Variants in GRID1 observed in about 807,000 individuals in gnomAD.
The protein encoded by GRID1 is glutamate ionotropic receptor delta type subunit 1.
A neutral mutation model predicts 98.0 loss-of-function variants in GRID1; 28 were observed. The observed-to-expected ratio is 0.29, with a 90% CI of 0.21 to 0.39. GRID1 has a LOEUF of 0.39. Ranked by LOEUF, GRID1 falls within the 10% of genes least tolerant of loss-of-function variation. GRID1 has a pLI of 1.00. For missense variants in GRID1, 1,111 were observed against 1,340.5 expected, an observed-to-expected ratio of 0.83 and a Z score of 2.67; for synonymous variants, 553 against 538.5, an observed-to-expected ratio of 1.03 and a Z score of -0.37.
At chr10:86,296,136 A>G (rs190406895) in intron 2 of GRID1, among the ~76,000 whole-genome samples, 8 of 152,306 alleles carry the variant, frequency 5.3e-5, no homozygotes, top group Non-Finnish European at 1.2e-4. Flanking sequence ...CAATGTCCCC[A>G]TACACTCTTC....
At chr10:85,886,552 T>G (rs937243030) in intron 5 of GRID1, among the ~76,000 whole-genome samples, 2 of 152,136 alleles carry the variant, frequency 1.3e-5, no homozygotes, top group Admixed American at 6.5e-5. Flanking sequence ...ATGGCAAAAT[T>G]TCAATGATGG....
At position 85,602,412 on chromosome 10, in the gene GRID1, A is replaced by T; in HGVS notation, c.2891T>A (p.Met964Lys). 1.9e-6 allele frequency: 3 copies of T among 1,614,000 alleles called. No homozygotes were observed. The highest frequency in any genetic ancestry group is 2.5e-6 in the Non-Finnish European group (3 of 1,179,984). ...PLSSSATMPS[M>K]QCKHRSPNGG... Reference sequence around the variant, plus strand: ...GTTGGGTGACCTGTGTTTGCACTGCATGGAGGGCATGGTCGCCGAGCTGCT... The same window carrying T: ...GTTGGGTGACCTGTGTTTGCACTGCTTGGAGGGCATGGTCGCCGAGCTGCT... Residue 964 changes from methionine to lysine, a missense_variant, in exon 16 of 16, where the codon ATG becomes AAG. Physicochemically the swap from Met to Lys is moderately conservative, Grantham distance 95. Transcript: ENST00000327946.
chr10:86,213,734 T>C (rs1276832349), intron 2 of GRID1, among the ~76,000 whole-genome samples: 1 of 151,564 alleles, frequency 6.6e-6, no homozygotes, highest in Non-Finnish European at 1.5e-5. Context: ...CCCCCTGGGG[T>C]CCTGACCCCC....
intron 2 of GRID1, among the ~76,000 whole-genome samples, chr10:86,353,539 G>A (rs930538768): frequency 6.6e-5 from 9 of 135,370 alleles, no homozygotes; most frequent in Non-Finnish European, 1.4e-4. Context: ...TGTTCCTCCC[G>A]TTCCAGCAGT....
chr10:86,262,055 C>A (rs112692019), intron 2 of GRID1, among the ~76,000 whole-genome samples: 1 of 152,194 alleles, frequency 6.6e-6, no homozygotes, highest in Admixed American at 6.5e-5. Flanking sequence ...GTGTGTCCAG[C>A]GTAACACAGC....
At chr10:86,034,621 T>C (rs1224199333) in intron 4 of GRID1, among the ~76,000 whole-genome samples, 1 of 151,720 alleles carries the variant, frequency 6.6e-6, no homozygotes, top group East Asian at 1.9e-4. Context: ...GAGGCTTTGC[T>C]TCCTGGTAAG....
chr10:85,781,149 T>C (rs546200916), intron 8 of GRID1, among the ~76,000 whole-genome samples: 1 of 152,314 alleles, frequency 6.6e-6, no homozygotes, highest in African/African-American at 2.4e-5. Flanking sequence ...AGTAGGTGCT[T>C]CTAGGATTAA....
chr10:86,289,188 C>T (rs1378401209), intron 2 of GRID1, among the ~76,000 whole-genome samples: 1 of 152,150 alleles, frequency 6.6e-6, no homozygotes. Context: ...ATCCTCAACT[C>T]TCAAACTGTC....
At position 85,689,810 on chromosome 10, in the gene GRID1, G is replaced by T. The variant is rs10749527; in HGVS notation, c.1997+33193C>A. Among the ~76,000 whole-genome samples, 7 of 152,318 alleles carry T rather than the reference G, an allele frequency of 4.6e-5. No homozygotes were observed. In the East Asian group the frequency reaches 1.4e-3, roughly 29 times the overall value. ...TTTCTCTCTTGTGAAGTCTTACATG[G>T]TAGAGAATATAAACTTGAATTCTAC... On this transcript the variant is annotated intron_variant, in intron 12 of 15. Transcript: ENST00000327946.
At chr10:85,861,023 A>G (rs1392302513) in intron 6 of GRID1, among the ~76,000 whole-genome samples, 1 of 152,196 alleles carries the variant, frequency 6.6e-6, no homozygotes, top group Non-Finnish European at 1.5e-5. Flanking sequence ...AGAAATGAAT[A>G]GAAGAGGCAA....
intron 4 of GRID1, among the ~76,000 whole-genome samples, chr10:86,000,924 T>C (rs1010344636): frequency 7.6e-5 from 7 of 92,198 alleles, no homozygotes; most frequent in Non-Finnish European, 1.6e-4. Flanking sequence ...TCTTCATAAT[T>C]ACCAAAAACT....
chr10:86,026,522 C>T (rs981174822), intron 4 of GRID1, among the ~76,000 whole-genome samples: 1 of 152,314 alleles, frequency 6.6e-6, no homozygotes, highest in African/African-American at 2.4e-5. Context: ...TTGTTGAAAT[C>T]TCCACTGGTG....
At chr10:85,861,443 A>G (rs1166286538) in intron 6 of GRID1, among the ~76,000 whole-genome samples, 1 of 152,182 alleles carries the variant, frequency 6.6e-6, no homozygotes, top group Admixed American at 6.5e-5. Flanking sequence ...GAGGTGTTGC[A>G]GGGCTGCCCT....
intron 5 of GRID1, among the ~76,000 whole-genome samples, chr10:85,887,366 C>A (rs952180181): frequency 6.6e-6 from 1 of 152,170 alleles, no homozygotes; most frequent in Non-Finnish European, 1.5e-5. Context: ...TCATTAGCTG[C>A]CCCCTAAAAA....
chr10:85,690,476 A>T (rs796746287), intron 12 of GRID1, among the ~76,000 whole-genome samples: 4 of 152,152 alleles, frequency 2.6e-5, no homozygotes, highest in African/African-American at 9.7e-5. Context: ...CATGTGCCAC[A>T]TTTTCCTTTT....
intron 5 of GRID1, among the ~76,000 whole-genome samples, chr10:85,890,373 G>A (rs139141831): frequency 7.2e-5 from 11 of 152,092 alleles, no homozygotes; most frequent in East Asian, 3.9e-4. Context: ...ATTATACAAC[G>A]TATATGTGCA....
At chr10:86,272,023 A>T (rs1004289255) in intron 2 of GRID1, among the ~76,000 whole-genome samples, 4 of 152,174 alleles carry the variant, frequency 2.6e-5, no homozygotes, top group Admixed American at 1.3e-4. Flanking sequence ...AAAATCTTAA[A>T]GGCAGCCAGA....
At chr10:86,349,306 A>T (rs886092067) in intron 2 of GRID1, among the ~76,000 whole-genome samples, 2 of 152,234 alleles carry the variant, frequency 1.3e-5, no homozygotes, top group Non-Finnish European at 2.9e-5. Context: ...AGAAGAGAAG[A>T]GAAACCCAAG....
chr10:85,900,338 T>A (rs564628088), intron 5 of GRID1, among the ~76,000 whole-genome samples: 167 of 152,288 alleles, frequency 1.1e-3, no homozygotes, highest in African/African-American at 3.9e-3. Context: ...AAGGCACAGA[T>A]AATAGGGCCT....
Sources: gnomAD v4.1 joint callset for allele counts (sites outside exome capture counted in the v4.1 genomes callset) on GRCh38, gnomAD v4.1.1 for gene constraint, MANE v1.5 for transcripts, NCBI Gene and HGNC (gene_info 2026-07-23, HGNC 2026-07-21) for gene names.